OR2T35: variants seen among roughly 807,000 people sequenced by gnomAD.
OR2T35 encodes olfactory receptor family 2 subfamily T member 35 (gene/pseudogene).
For synonymous variants in OR2T35, 18 were observed against 110.2 expected, an observed-to-expected ratio of 0.16 and a Z score of 5.24; for missense variants, 47 against 278.8, an observed-to-expected ratio of 0.17 and a Z score of 5.92.
At chr1:248,644,004 CCA>C (rs1486025033) in intron 1 of OR2T35, among the ~76,000 whole-genome samples, 1 of 21,648 alleles carries the variant, frequency 4.6e-5, no homozygotes, top group African/African-American at 8.6e-5. Flanking sequence ...ACTGAGTCCG[CCA>C]CAGTCGATTT....
intron 1 of OR2T35, among the ~76,000 whole-genome samples, chr1:248,641,745 CAT>C (rs1477784575): frequency 2.5e-5 from 2 of 78,664 alleles, no homozygotes; most frequent in African/African-American, 6.1e-5. Flanking sequence ...GTTGTGCGTA[CAT>C]GTGTGTGTAG....
intron 1 of OR2T35, among the ~76,000 whole-genome samples, chr1:248,642,216 C>CAAAAAAAAA (rs61189391): frequency 1.4e-3 from 74 of 53,618 alleles, no homozygotes; most frequent in Non-Finnish European, 3.1e-3. Flanking sequence ...CTAGTCTTTC[C>CAAAAAAAAA]AAAAAAAAAA....
chr1:248,641,697 TAA>T (rs3033658), intron 1 of OR2T35, among the ~76,000 whole-genome samples: 2,850 of 58,072 alleles, frequency 0.049, 476 homozygotes, highest in East Asian at 0.18. Flanking sequence ...GAGACCGTGT[TAA>T]AAAAAAAAAA....
At chr1:248,639,769 T>TA (rs1660767849) in intron 1 of OR2T35, among the ~76,000 whole-genome samples, 1 of 11,648 alleles carries the variant, frequency 8.6e-5, no homozygotes, top group African/African-American at 1.7e-4. Context: ...AGAAAACATC[T>TA]AGATAACTGA....
intron 1 of OR2T35, among the ~76,000 whole-genome samples, chr1:248,643,211 TTC>T (rs1318110742): frequency 4.3e-5 from 2 of 46,552 alleles, no homozygotes; most frequent in Admixed American, 2.0e-4. Flanking sequence ...GACCTCAGTG[TTC>T]TTTCAGTAAA....
chr1:248,642,255 CTT>C (rs1358062316), intron 1 of OR2T35, among the ~76,000 whole-genome samples: 324 of 113,620 alleles, frequency 2.9e-3, no homozygotes, highest in Middle Eastern at 0.01. Flanking sequence ...AAAGAAAAAG[CTT>C]TTATTTGCGT....
At chr1:248,642,363 A>T (rs1478185845) in intron 1 of OR2T35, among the ~76,000 whole-genome samples, 3 of 141,392 alleles carry the variant, frequency 2.1e-5, no homozygotes, top group African/African-American at 4.9e-5. Context: ...ACCAGTTATA[A>T]CATCACCCAG....
intron 1 of OR2T35, among the ~76,000 whole-genome samples, chr1:248,643,222 AAAG>A (rs1660812128): frequency 2.1e-5 from 1 of 48,210 alleles, no homozygotes; most frequent in Admixed American, 2.0e-4. Context: ...TCTTTCAGTA[AAAG>A]AATGGCATGT....
chr1:248,638,299 G>A lies in OR2T35; in HGVS notation c.960C>T (p.Ile320=). 4.8e-6 allele frequency: 5 copies of A among 1,050,136 alleles called. No homozygotes were observed. The highest frequency in any genetic ancestry group is 3.8e-5 in the South Asian group (3 of 78,436). 65.1% of individuals were successfully genotyped at this position (1,050,136 alleles called of 1,614,324 possible). The change falls in exon 2 of 2, where the codon ATC becomes ATT. Residue 320 remains isoleucine, a synonymous_variant. Transcript: ENST00000641268. ...CTGGGAGTCCCTGCTAGCCCTTCCT[G>A]ATCACAGTCGCCACCCTGATGCTCT... The part of the protein sequence containing the change: ...SSQSIRVATV[I]RKG
At chr1:248,640,195 T>TA (rs1275789786) in intron 1 of OR2T35, among the ~76,000 whole-genome samples, 2 of 11,366 alleles carry the variant, frequency 1.8e-4, no homozygotes, top group African/African-American at 2.1e-4. Context: ...ATCATCCTAG[T>TA]AATCCACTGC....
chr1:248,644,579 G>A (rs564228907), intron 1 of OR2T35, among the ~76,000 whole-genome samples: 1 of 143,450 alleles, frequency 7.0e-6, no homozygotes, highest in Admixed American at 6.9e-5. Flanking sequence ...AGGTGTGTGG[G>A]GTGGAGTGCG....
chr1:248,642,233 AAAG>A (rs1443172617), intron 1 of OR2T35, among the ~76,000 whole-genome samples: 4 of 63,976 alleles, frequency 6.3e-5, no homozygotes, highest in East Asian at 2.5e-3. Flanking sequence ...AAAAAAAAAA[AAAG>A]AAAAAGAAAA....
At position 248,638,336 on chromosome 1, in the gene OR2T35, C is replaced by T; in HGVS notation, c.923G>A (p.Cys308Tyr). ...CACCCTGATGCTCTGGGAGGAACCA[C>T]ATCTCCCTAGTACTTTCCTCAGAGC... Reference protein sequence around the residue: ...AAALRKVLGRCGSSQSIRVAT... With the variant: ...AAALRKVLGRYGSSQSIRVAT... The change falls in exon 2 of 2, where the codon TGT becomes TAT. Residue 308 changes from cysteine (C) to tyrosine (Y), a missense_variant. By Grantham distance (194) the Cys-to-Tyr change is radical (BLOSUM62 -2). Coordinates refer to ENST00000641268, the MANE Select transcript of OR2T35 (RefSeq NM_001001827.2). 1.1e-6 allele frequency: 1 copy of T among 948,984 alleles called. No homozygotes were observed. Among genetic ancestry groups the T allele is most frequent in the Non-Finnish European group, 1.7e-6 (1 of 581,638 alleles). 58.8% of individuals were successfully genotyped at this position (948,984 alleles called of 1,614,324 possible).
Position 248,641,693 on chromosome 1 carries a change from G to A in OR2T35, c.-22-2413C>T, listed in dbSNP as rs1297677300. Among the ~76,000 whole-genome samples, 8 of 45,540 alleles carry A rather than the reference G, an allele frequency of 1.8e-4. 1 individual carries two copies. The highest frequency in any genetic ancestry group is 2.8e-4 in the African/African-American group (6 of 21,450). 29.9% of individuals were successfully genotyped at this position (45,540 alleles called of 152,430 possible). On this transcript the variant is annotated intron_variant, in intron 1 of 1. Transcript: ENST00000641268. Reference sequence around the variant, plus strand: ...ACCTCATTTTTATACAACCGAGACCGTGTTAAAAAAAAAAAAAAAAAGGTT... The same window carrying A: ...ACCTCATTTTTATACAACCGAGACCATGTTAAAAAAAAAAAAAAAAAGGTT...
rs1660726403 is a variant in OR2T35 at position 248,638,173 on chromosome 1, G to A, written c.*114C>T. 6.4e-6 allele frequency: 5 copies of A among 781,870 alleles called. No individual in the cohort carries two copies. The East Asian group carries it at 1.5e-4, about 23-fold the overall frequency. 48.4% of individuals were successfully genotyped at this position (781,870 alleles called of 1,614,324 possible). ...CGTTATTGGCCGCAGCACCGCAGATGTTTGCACTAGTCCCTGCTAGTCCTT... is the reference window on the plus strand; with the variant it reads ...CGTTATTGGCCGCAGCACCGCAGATATTTGCACTAGTCCCTGCTAGTCCTT... On this transcript the variant is annotated 3_prime_UTR_variant, in exon 2 of 2. Transcript: ENST00000641268.
Sources: allele counts gnomAD v4.1 joint callset (sites outside exome capture counted in the v4.1 genomes callset), GRCh38; gene constraint gnomAD v4.1.1; transcripts MANE v1.5; gene names NCBI Gene and HGNC (gene_info 2026-07-23, HGNC 2026-07-21).